Variants in RILPL1 observed in about 807,000 individuals in gnomAD.
RILPL1 encodes RILP-like protein 1.
RILPL1 carries 33 observed loss-of-function variants against 50.3 expected under a neutral mutation model. That is an observed-to-expected ratio of 0.66 (90% CI 0.50 to 0.88). The LOEUF is 0.88. Among genes scored for constraint, RILPL1 ranks in the 40% least tolerant of loss-of-function variants. The pLI, the probability that RILPL1 is intolerant of heterozygous loss-of-function variation, is 0.00. For synonymous variants in RILPL1, 205 were observed against 228.6 expected, an observed-to-expected ratio of 0.90 and a Z score of 0.93; for missense variants, 418 against 542.5, an observed-to-expected ratio of 0.77 and a Z score of 2.28.
intron 2 of RILPL1, among the ~76,000 whole-genome samples, chr12:123,512,506 ATCTGTGTGTGTGTGAGG>A (rs1160212607): frequency 7.4e-5 from 4 of 53,878 alleles, no homozygotes; most frequent in Admixed American, 2.3e-4. Context: ...GTGGTGTGAG[ATCTGTGTGTGTGTGAGG>A]TCTGTGTGTG....
intron 2 of RILPL1, among the ~76,000 whole-genome samples, chr12:123,521,517 TTA>T (rs1369198109): frequency 2.0e-4 from 29 of 143,478 alleles, no homozygotes; most frequent in African/African-American, 6.1e-4. Context: ...TTTTATAAAT[TTA>T]TATATATATA....
At chr12:123,502,719 C>T (rs1883474578) in intron 2 of RILPL1, among the ~76,000 whole-genome samples, 1 of 152,226 alleles carries the variant, frequency 6.6e-6, no homozygotes, top group South Asian at 2.1e-4. Flanking sequence ...AGGATGGGTG[C>T]TATGTCAGTT....
In RILPL1 at chr12:123,484,167, G is replaced by C. The variant is rs767151405; in HGVS notation, c.1067+13C>G. On this transcript the variant is annotated intron_variant, in intron 6 of 6. Transcript: ENST00000376874. ...GGTCAGCCGAGCGCAGAAGCTGGCAGCGCATCACTTACAGTCGCTTGATGC... is the reference window on the plus strand; with the variant it reads ...GGTCAGCCGAGCGCAGAAGCTGGCACCGCATCACTTACAGTCGCTTGATGC... The C allele has an allele frequency of 6.3e-7, 1 of 1,585,474 alleles. No homozygotes were observed. The highest frequency in any genetic ancestry group is 8.6e-7 in the Non-Finnish European group (1 of 1,156,340).
At chr12:123,510,682 G>A (rs1301676798) in intron 2 of RILPL1, among the ~76,000 whole-genome samples, 2 of 134,816 alleles carry the variant, frequency 1.5e-5, no homozygotes, top group Non-Finnish European at 3.2e-5. Flanking sequence ...TGAGGTCTGT[G>A]TGTGTGTGGT....
intron 2 of RILPL1, among the ~76,000 whole-genome samples, chr12:123,500,273 CCTTTCT>C (rs1883293040): frequency 1.4e-5 from 2 of 145,222 alleles, no homozygotes; most frequent in Middle Eastern, 3.7e-3. Flanking sequence ...CCTATGTGTC[CCTTTCT>C]TTTTTTTTTT....
chr12:123,529,461 G>C (rs530857620), intron 1 of RILPL1, among the ~76,000 whole-genome samples: 1 of 152,124 alleles, frequency 6.6e-6, no homozygotes. Flanking sequence ...ATTTTTAGTA[G>C]GGATGAGGTT....
intron 2 of RILPL1, among the ~76,000 whole-genome samples, chr12:123,520,546 G>C (rs541456537): frequency 6.6e-6 from 1 of 152,196 alleles, no homozygotes; most frequent in Non-Finnish European, 1.5e-5. Flanking sequence ...TCGACGGAGT[G>C]AGACTCCGTC....
In RILPL1 at chr12:123,533,624, A is replaced by G. The variant is rs1184444644; in HGVS notation, c.-142T>C. On this transcript the variant is annotated 5_prime_UTR_variant, in exon 1 of 7. Transcript: ENST00000376874. The surrounding 1 kb of genome is among the most constrained non-coding windows in gnomAD (Gnocchi z 6.2). ...GCGCTGGGGCGAGGGCGCAGCGGGC[A>G]GCGGGCGGCGGGCGCGGGCGCGGGC... is the stretch of plus-strand genomic sequence containing the variant. The G allele has an allele frequency of 2.8e-5, 14 of 496,360 alleles. No homozygotes were observed. Among genetic ancestry groups the G allele is most frequent in the African/African-American group, 1.5e-4 (7 of 47,188 alleles). The allele number at this position is 496,360 out of a possible 1,614,324, so 30.7% of individuals were successfully genotyped here. A position where few individuals can be genotyped will look rare whatever the true frequency, so the allele number is the denominator to read the frequency against.
intron 2 of RILPL1, among the ~76,000 whole-genome samples, chr12:123,516,626 C>T (rs931945599): frequency 3.3e-5 from 5 of 152,212 alleles, no homozygotes; most frequent in Admixed American, 6.5e-5. Context: ...CTCTAGATCG[C>T]TGTAATCCCA....
rs1883160966 is a variant in RILPL1 at position 123,498,314 on chromosome 12, C to T, written c.801+230G>A. ...CATTGCAGCCTTGAACTCCTGGGCT[C>T]AAGTGATCCTCCTGCCTAAGCCTCC... is the stretch of plus-strand genomic sequence containing the variant. On this transcript the variant is annotated intron_variant, in intron 4 of 6. Transcript: ENST00000376874. This position sits in a 1 kb window ranked among gnomAD's most constrained non-coding sequence, Gnocchi z 4.3. 7.2e-6 allele frequency among the ~76,000 whole-genome samples: 1 copy of T among 139,800 alleles called. No individual in the cohort carries two copies. The highest frequency in any genetic ancestry group is 1.5e-5 in the Non-Finnish European group (1 of 65,106). 91.7% of individuals were successfully genotyped at this position (139,800 alleles called of 152,430 possible).
chr12:123,492,963 T>C (rs1028782913), intron 4 of RILPL1, among the ~76,000 whole-genome samples: 7 of 152,174 alleles, frequency 4.6e-5, no homozygotes, highest in Non-Finnish European at 5.9e-5. Context: ...CCCCATGTGA[T>C]AGTCTGAAAT....
At chr12:123,526,983 C>A (rs780842577) in intron 1 of RILPL1, among the ~76,000 whole-genome samples, 8 of 152,092 alleles carry the variant, frequency 5.3e-5, no homozygotes, top group Non-Finnish European at 8.8e-5. Context: ...AAGTCCTAAT[C>A]CCTGAGAATA....
chr12:123,488,666 C>G (rs1882503371), intron 4 of RILPL1, among the ~76,000 whole-genome samples: 1 of 152,152 alleles, frequency 6.6e-6, no homozygotes, highest in South Asian at 2.1e-4. Flanking sequence ...CAGGTGACAG[C>G]AGAGCCACAC....
chr12:123,513,450 C>CCCAGCAG (rs1266634165), intron 2 of RILPL1: 1 of 268,008 alleles, frequency 3.7e-6, no homozygotes, highest in East Asian at 1.2e-4. Context: ...TATGTGGAAG[C>CCCAGCAG]CCAGCAGCCT....
In RILPL1 at chr12:123,498,831, A is replaced by G. The variant is rs1883193387; in HGVS notation, c.580-66T>C. ...CGGTAGCTCAGGTTGTACACTGCAC[A>G]ACGGCAAACCATCCATAGGTGTGCC... On this transcript the variant is annotated intron_variant, in intron 3 of 6. Transcript: ENST00000376874. The surrounding 1 kb of genome is among the most constrained non-coding windows in gnomAD (Gnocchi z 4.3). The G allele has an allele frequency of 6.9e-7, 1 of 1,457,426 alleles. No individual in the cohort carries two copies. 90.3% of individuals were successfully genotyped at this position (1,457,426 alleles called of 1,614,324 possible). A position where few individuals can be genotyped will look rare whatever the true frequency, so the allele number is the denominator to read the frequency against.
chr12:123,498,650 T>C lies in RILPL1; in HGVS notation c.695A>G (p.Asp232Gly), dbSNP rs1293358955. 1 of 1,613,792 alleles carries C rather than the reference T, an allele frequency of 6.2e-7. No homozygotes were observed. The highest frequency in any genetic ancestry group is 1.7e-5 in the Admixed American group (1 of 59,998). ...LIEQKVELEA[D>G]LQTKEQEMGS... ...CATCTCCTGCTCCTTGGTCTGCAGG[T>C]CTGCCTCCAGCTCCACCTTCTGTTC... Residue 232 changes from aspartate to glycine, a missense_variant, in exon 4 of 7, where the codon GAC (aspartate) becomes GGC (glycine). Physicochemically the swap from Asp to Gly is moderately conservative, Grantham distance 94. Transcript: ENST00000376874. This position sits in a 1 kb window ranked among gnomAD's most constrained non-coding sequence, Gnocchi z 4.3.
chr12:123,509,671 T>C (rs995647717), intron 2 of RILPL1, among the ~76,000 whole-genome samples: 1 of 152,098 alleles, frequency 6.6e-6, no homozygotes, highest in Non-Finnish European at 1.5e-5. Flanking sequence ...AAACGCCGTA[T>C]GATTCCACTT....
At chr12:123,521,222 T>G (rs1252118899) in intron 2 of RILPL1, among the ~76,000 whole-genome samples, 2 of 151,998 alleles carry the variant, frequency 1.3e-5, no homozygotes, top group African/African-American at 4.8e-5. Context: ...CATGACAAGC[T>G]TATGAGGGAG....
At chr12:123,501,759 CAAAA>C (rs71088919) in intron 2 of RILPL1, among the ~76,000 whole-genome samples, 3 of 110,744 alleles carry the variant, frequency 2.7e-5, no homozygotes, top group Admixed American at 9.1e-5. Context: ...GACTCTGTCT[CAAAA>C]AAAAAAAAAA....
Sources: gnomAD v4.1 joint callset for allele counts (sites outside exome capture counted in the v4.1 genomes callset) on GRCh38, gnomAD v4.1.1 for gene constraint, Gnocchi (gnomAD v3.1) non-coding constraint, MANE v1.5 for transcripts, NCBI Gene and HGNC (gene_info 2026-07-23, HGNC 2026-07-21) for gene names.